The following PLPP4 variants were observed in gnomAD, a reference collection of about 807,000 sequenced individuals.
The protein encoded by PLPP4 is diacylglycerol pyrophosphate like 2.
A neutral mutation model predicts 32.2 loss-of-function variants in PLPP4; 20 were observed. The ratio of observed to expected loss-of-function variants is 0.62; its 90% CI spans 0.44 to 0.90. The LOEUF (loss-of-function observed/expected upper bound fraction) is 0.90, where lower values mean the gene tolerates loss of function less well. PLPP4 is among the 40% of genes least tolerant of loss of function. The pLI is 0.00. For missense variants in PLPP4, 257 were observed against 353.1 expected (o/e 0.73, Z 2.18); for synonymous variants, 127 against 133.0 (o/e 0.95, Z 0.31).
At chr10:120,497,331 A>AT (rs1845016250) in intron 1 of PLPP4, among the ~76,000 whole-genome samples, 2 of 151,744 alleles carry the variant, frequency 1.3e-5, no homozygotes, top group South Asian at 4.2e-4. Context: ...CCTCTTTTCC[A>AT]TTTTGGTTAA....
intron 6 of PLPP4, among the ~76,000 whole-genome samples, chr10:120,583,546 A>G (rs1483646883): frequency 6.6e-6 from 1 of 152,218 alleles, no homozygotes; most frequent in Non-Finnish European, 1.5e-5. Flanking sequence ...ATCTAATTCT[A>G]GAACATTTTC....
Position 120,575,187 on chromosome 10 carries a change from T to G in PLPP4, c.502T>G (p.Phe168Val), listed in dbSNP as rs777035237. The change falls in exon 6 of 7, where the codon TTC becomes GTC. Residue 168 changes from phenylalanine to valine, a missense_variant. By Grantham distance (50) the Phe-to-Val change is conservative. Coordinates refer to ENST00000398250, the MANE Select transcript of PLPP4 (RefSeq NM_001030059.3). ...TFYLAGKLHC[F>V]TESGRGKSWR... is the part of the protein sequence containing the mutation. ...CTACTTGGCGGGCAAGCTGCACTGC[T>G]TCACCGAGAGTGGGCGGGGAAAGAG... The G allele has an allele frequency of 1.2e-6, 2 of 1,614,026 alleles. No individual in the cohort carries two copies. The highest frequency in any genetic ancestry group is 1.1e-5 in the South Asian group (1 of 91,078).
rs539953059 is a variant in PLPP4 at position 120,466,414 on chromosome 10, G to A, written c.56+9053G>A. 2.3e-3 allele frequency among the ~76,000 whole-genome samples: 345 copies of A among 152,232 alleles called. 2 individuals are homozygous for A. The highest frequency in any genetic ancestry group is 8.0e-3 in the African/African-American group (332 of 41,554). On this transcript the variant is annotated intron_variant, in intron 1 of 6. Coordinates refer to ENST00000398250, the MANE Select transcript of PLPP4 (RefSeq NM_001030059.3). ...AATGAATAAATAAATTGGAGCACAC[G>A]AGAATGAACCAACTGCTGCTACCCA...
intron 1 of PLPP4, among the ~76,000 whole-genome samples, chr10:120,477,250 A>C (rs1843973940): frequency 6.6e-6 from 1 of 151,768 alleles, no homozygotes; most frequent in Non-Finnish European, 1.5e-5. Flanking sequence ...TTCAAAAAGA[A>C]AAGAAAAAAA....
At chr10:120,564,466 T>A (rs1033581850) in intron 5 of PLPP4, among the ~76,000 whole-genome samples, 10 of 152,042 alleles carry the variant, frequency 6.6e-5, no homozygotes, top group Admixed American at 4.6e-4. Flanking sequence ...GTTATATGTC[T>A]ATTAGAACAA....
chr10:120,583,590 C>T (rs750574730), intron 6 of PLPP4, among the ~76,000 whole-genome samples: 3 of 152,212 alleles, frequency 2.0e-5, no homozygotes, highest in Admixed American at 6.5e-5. Context: ...TCTCAGCAAT[C>T]GCTTCTCATT....
intron 6 of PLPP4, among the ~76,000 whole-genome samples, chr10:120,579,437 T>A (rs1849378653): frequency 6.6e-6 from 1 of 152,208 alleles, no homozygotes; most frequent in Non-Finnish European, 1.5e-5. Flanking sequence ...TGCGTTCGCC[T>A]GCTTTCCCAG....
chr10:120,576,924 C>T (rs1440653000), intron 6 of PLPP4, among the ~76,000 whole-genome samples: 1 of 152,200 alleles, frequency 6.6e-6, no homozygotes, highest in Non-Finnish European at 1.5e-5. Flanking sequence ...GGGCATTTCC[C>T]CATGAAGAAT....
At chr10:120,518,257 G>A (rs952104883) in intron 3 of PLPP4, among the ~76,000 whole-genome samples, 1 of 152,130 alleles carries the variant, frequency 6.6e-6, no homozygotes, top group Non-Finnish European at 1.5e-5. Flanking sequence ...AAAAAGCACC[G>A]CCCGGGCAGA....
intron 1 of PLPP4, among the ~76,000 whole-genome samples, chr10:120,458,347 C>G (rs923620832): frequency 1.3e-5 from 2 of 152,164 alleles, no homozygotes; most frequent in African/African-American, 4.8e-5. Context: ...GTTACATGAA[C>G]TTTTTGGATT....
chr10:120,478,110 C>T (rs1844020733), intron 1 of PLPP4, among the ~76,000 whole-genome samples: 1 of 152,212 alleles, frequency 6.6e-6, no homozygotes, highest in Non-Finnish European at 1.5e-5. Context: ...CACTTAGAGG[C>T]TGTGCAGGGT....
intron 4 of PLPP4, among the ~76,000 whole-genome samples, chr10:120,520,567 C>G (rs557158793): frequency 1.3e-5 from 2 of 152,296 alleles, no homozygotes; most frequent in East Asian, 3.9e-4. Flanking sequence ...TGGCATGAAG[C>G]CTTCCTTTTC....
At chr10:120,555,042 C>T (rs1848089377) in intron 5 of PLPP4, among the ~76,000 whole-genome samples, 1 of 152,036 alleles carries the variant, frequency 6.6e-6, no homozygotes, top group South Asian at 2.1e-4. Context: ...TTTGGGAATG[C>T]TGATAATCTC....
At chr10:120,485,754 G>T (rs1340918682) in intron 1 of PLPP4, among the ~76,000 whole-genome samples, 3 of 152,190 alleles carry the variant, frequency 2.0e-5, no homozygotes, top group African/African-American at 7.2e-5. Context: ...AAAGCAAAAA[G>T]AATACAGCGA....
rs1849996547 is a variant in PLPP4, at chr10:120,591,629, C to T, written c.*2127C>T. ...CTTTGCTACTGTTAAAAAAAAAAACCCCATCCTGATGTGGCCCACATTCTT... is the reference window on the plus strand; with the variant it reads ...CTTTGCTACTGTTAAAAAAAAAAACTCCATCCTGATGTGGCCCACATTCTT... On this transcript the variant is annotated 3_prime_UTR_variant, in exon 7 of 7. Transcript: ENST00000398250. Among the ~76,000 whole-genome samples, 2 of 150,992 alleles carry T rather than the reference C, an allele frequency of 1.3e-5. No individual in the cohort carries two copies. The highest frequency in any genetic ancestry group is 6.6e-5 in the Admixed American group (1 of 15,172).
Position 120,582,651 on chromosome 10 carries a change from TCTTA to T in PLPP4, c.617-6649_617-6646del, listed in dbSNP as rs577092237. Among the ~76,000 whole-genome samples the T allele has an allele frequency of 2.4e-3, 366 of 152,324 alleles. 7 individuals are homozygous for T. Among genetic ancestry groups the T allele is most frequent in the African/African-American group, 8.3e-3 (345 of 41,570 alleles). The stretch of plus-strand genomic sequence containing the variant: ...TGAGTTTGACTTAATCATGTTCCTT[TCTTA>T]CTAATATCATTTTTTCTTTGGGCTG... On this transcript the variant is annotated intron_variant, in intron 6 of 6. Coordinates refer to ENST00000398250, the MANE Select transcript of PLPP4 (RefSeq NM_001030059.3).
chr10:120,501,536 G>T (rs1845249423), intron 1 of PLPP4, among the ~76,000 whole-genome samples: 1 of 152,172 alleles, frequency 6.6e-6, no homozygotes, highest in African/African-American at 2.4e-5. Flanking sequence ...AGAAACTGAG[G>T]CTCAGAAAAT....
At chr10:120,506,640 A>G (rs572512832) in intron 2 of PLPP4, among the ~76,000 whole-genome samples, 1 of 152,348 alleles carries the variant, frequency 6.6e-6, no homozygotes, top group African/African-American at 2.4e-5. Flanking sequence ...TTATTGGATA[A>G]TGAATGCTTC....
At chr10:120,571,091 G>GAC (rs1848913116) in intron 5 of PLPP4, among the ~76,000 whole-genome samples, 2 of 74,046 alleles carry the variant, frequency 2.7e-5, no homozygotes, top group Admixed American at 1.6e-4. Context: ...GTAGTAAAGG[G>GAC]GCGTGTGTGT....
Sources: allele counts gnomAD v4.1 joint callset (sites outside exome capture counted in the v4.1 genomes callset), GRCh38; gene constraint gnomAD v4.1.1; transcripts MANE v1.5; gene names NCBI Gene and HGNC (gene_info 2026-07-23, HGNC 2026-07-21).